Variants in RABGAP1L observed in about 807,000 individuals in gnomAD.
The protein encoded by RABGAP1L is RAB GTPase activating protein 1 like.
Under a neutral mutation model 137.7 loss-of-function variants are expected in RABGAP1L, and 63 were observed. The ratio of observed to expected loss-of-function variants is 0.46; its 90% CI spans 0.37 to 0.56. The LOEUF (loss-of-function observed/expected upper bound fraction) is 0.56. Ranked by LOEUF, RABGAP1L falls within the 20% of genes least tolerant of loss-of-function variation. The pLI is 0.00. For missense variants in RABGAP1L, 1,095 were observed against 1,244.0 expected (o/e 0.88, Z 1.80); for synonymous variants, 431 against 433.7 (o/e 0.99, Z 0.08).
chr1:174,275,879 G>T lies in RABGAP1L; in HGVS notation c.1100G>T (p.Gly367Val). ...SYDGRAYVITGMWNPNAPVFL... is the reference protein window; with the variant it reads ...SYDGRAYVITVMWNPNAPVFL... ...GATGGGAGAGCTTATGTCATCACTGGCATGTGGAACCCCAATGCACCAGTA... is the reference window on the plus strand; with the variant it reads ...GATGGGAGAGCTTATGTCATCACTGTCATGTGGAACCCCAATGCACCAGTA... Residue 367 changes from glycine to valine, a missense_variant, in exon 9 of 26, where the codon GGC (glycine) becomes GTC (valine). This residue lies in a region of RABGAP1L where 112 missense variants were observed against 157.3 expected (regional missense o/e 0.71). Coordinates refer to ENST00000681986, the MANE Select transcript of RABGAP1L (RefSeq NM_001366446.1). 1 of 1,612,878 alleles carries T rather than the reference G, an allele frequency of 6.2e-7. No individual in the cohort carries two copies. Among genetic ancestry groups the T allele is most frequent in the Non-Finnish European group, 8.5e-7 (1 of 1,179,276 alleles).
rs143098478 is a variant in RABGAP1L, at chr1:174,852,365, T to C, written c.2340+40405T>C. Among the ~76,000 whole-genome samples, 944 of 152,336 alleles carry C rather than the reference T, an allele frequency of 6.2e-3. 12 individuals are homozygous for C. The highest frequency in any genetic ancestry group is 0.021 in the African/African-American group (894 of 41,582). ...AGTGCAATAAGACTGTGACTCTCTG[T>C]TACTGAGTTGTGATGCTTTTTCTTT... On this transcript the variant is annotated intron_variant, in intron 19 of 25. Transcript: ENST00000681986.
At chr1:174,804,815 T>A (rs1377775592) in intron 18 of RABGAP1L, among the ~76,000 whole-genome samples, 1 of 152,236 alleles carries the variant, frequency 6.6e-6, no homozygotes, top group African/African-American at 2.4e-5. Context: ...AAAGTACTTA[T>A]GCTGATAAAT....
intron 17 of RABGAP1L, among the ~76,000 whole-genome samples, chr1:174,734,091 G>T (rs1206608519): frequency 6.6e-6 from 1 of 152,204 alleles, no homozygotes; most frequent in Non-Finnish European, 1.5e-5. Context: ...GAAGAGATTG[G>T]AGGAAGAACA....
In RABGAP1L at chr1:174,811,974, T is replaced by C; in HGVS notation, c.2340+14T>C. 6.4e-7 allele frequency: 1 copy of C among 1,566,020 alleles called. No individual in the cohort carries two copies. Among genetic ancestry groups the C allele is most frequent in the Non-Finnish European group, 8.6e-7 (1 of 1,160,576 alleles). ...TGCAATATTAAAGTAAGAACATGAG[T>C]TTTTATATAATAAAGGTAAAATATG... is the stretch of plus-strand genomic sequence containing the variant. On this transcript the variant is annotated intron_variant, in intron 19 of 25. Coordinates refer to ENST00000681986, the MANE Select transcript of RABGAP1L (RefSeq NM_001366446.1).
chr1:174,453,954 A>AGAATGG (rs1424863283), intron 13 of RABGAP1L, among the ~76,000 whole-genome samples: 1 of 152,078 alleles, frequency 6.6e-6, no homozygotes, highest in Non-Finnish European at 1.5e-5. Flanking sequence ...AATCAGAAAA[A>AGAATGG]TTAATATTTG....
intron 14 of RABGAP1L, among the ~76,000 whole-genome samples, chr1:174,674,309 A>G (rs1292543978): frequency 2.2e-5 from 3 of 136,626 alleles, no homozygotes; most frequent in Non-Finnish European, 4.5e-5. Flanking sequence ...TCATTGTTCA[A>G]TTCCCATCTA....
At chr1:174,405,548 A>T (rs1017032465) in intron 13 of RABGAP1L, among the ~76,000 whole-genome samples, 5 of 152,246 alleles carry the variant, frequency 3.3e-5, no homozygotes, top group African/African-American at 1.2e-4. Context: ...ATTTACAAAG[A>T]TCTCATCAGA....
At chr1:174,524,039 T>C (rs1475463383) in intron 13 of RABGAP1L, among the ~76,000 whole-genome samples, 1 of 152,216 alleles carries the variant, frequency 6.6e-6, no homozygotes, top group Non-Finnish European at 1.5e-5. Flanking sequence ...CATCTGTCAA[T>C]GGACAGTTAG....
intron 11 of RABGAP1L, among the ~76,000 whole-genome samples, chr1:174,317,943 C>T (rs1296059410): frequency 1.3e-5 from 2 of 152,070 alleles, no homozygotes; most frequent in African/African-American, 4.8e-5. Flanking sequence ...TTCAGTGCCC[C>T]ACAGTTGCTG....
chr1:174,504,586 T>C (rs1661642524), intron 13 of RABGAP1L, among the ~76,000 whole-genome samples: 1 of 152,100 alleles, frequency 6.6e-6, no homozygotes, highest in Non-Finnish European at 1.5e-5. Flanking sequence ...TTATAGTCAA[T>C]TGATTTTTGA....
At chr1:174,703,676 T>C (rs1408827699) in intron 17 of RABGAP1L, among the ~76,000 whole-genome samples, 3 of 152,208 alleles carry the variant, frequency 2.0e-5, no homozygotes, top group Admixed American at 6.5e-5. Context: ...CTGTTTTCCA[T>C]AGAGGTTATA....
At chr1:174,700,814 G>T in intron 16 of RABGAP1L, 1 of 206,864 alleles carries the variant, frequency 4.8e-6, no homozygotes, top group Non-Finnish European at 1.0e-5. Flanking sequence ...AAATATTTGG[G>T]ATTACTCGCT....
chr1:174,783,800 C>A (rs2163628), intron 18 of RABGAP1L, among the ~76,000 whole-genome samples: 2 of 145,834 alleles, frequency 1.4e-5, no homozygotes, highest in Admixed American at 6.9e-5. Flanking sequence ...CCTCCACCTC[C>A]CGAGTTCAAG....
intron 14 of RABGAP1L, among the ~76,000 whole-genome samples, chr1:174,656,638 C>T (rs1234047536): frequency 6.6e-6 from 1 of 152,148 alleles, no homozygotes; most frequent in Non-Finnish European, 1.5e-5. Context: ...CAATCATTAA[C>T]CTATATTCTG....
chr1:174,250,837 G>A (rs1045525946), intron 6 of RABGAP1L, among the ~76,000 whole-genome samples: 2 of 152,176 alleles, frequency 1.3e-5, no homozygotes, highest in African/African-American at 4.8e-5. Flanking sequence ...TTGTCACCCA[G>A]GCTGGAGTGT....
At chr1:174,428,212 CAACA>C (rs1412519753) in intron 13 of RABGAP1L, among the ~76,000 whole-genome samples, 1 of 152,152 alleles carries the variant, frequency 6.6e-6, no homozygotes, top group African/African-American at 2.4e-5. Context: ...ATTATCCTTT[CAACA>C]AACATGCACT....
At chr1:174,769,238 A>G (rs1037838895) in intron 18 of RABGAP1L, among the ~76,000 whole-genome samples, 2 of 151,984 alleles carry the variant, frequency 1.3e-5, no homozygotes, top group African/African-American at 4.8e-5. Flanking sequence ...TAGACAATGG[A>G]TACTTGCTGC....
chr1:174,541,853 T>C (rs1204432691), intron 13 of RABGAP1L, among the ~76,000 whole-genome samples: 1 of 152,194 alleles, frequency 6.6e-6, no homozygotes, highest in Non-Finnish European at 1.5e-5. Flanking sequence ...GAGATAATCA[T>C]CTGTTTTTTG....
chr1:174,851,940 T>C (rs1272016641), intron 19 of RABGAP1L, among the ~76,000 whole-genome samples: 1 of 152,220 alleles, frequency 6.6e-6, no homozygotes, highest in Admixed American at 6.5e-5. Flanking sequence ...CAAGTAACAC[T>C]GGAATTCTTT....
Sources: gnomAD v4.1 joint callset for allele counts (sites outside exome capture counted in the v4.1 genomes callset) on GRCh38, gnomAD v4.1.1 for gene constraint, gnomAD v4.1.1 regional missense constraint, MANE v1.5 for transcripts, NCBI Gene and HGNC (gene_info 2026-07-23, HGNC 2026-07-21) for gene names.